The following AGBL4 variants were observed in gnomAD, a reference collection of about 807,000 sequenced individuals.
AGBL4 encodes the protein cytosolic carboxypeptidase 6.
Under a neutral mutation model 66.4 loss-of-function variants are expected in AGBL4, and 58 were observed. The ratio of observed to expected loss-of-function variants is 0.87; its 90% CI spans 0.71 to 1.09. The LOEUF is 1.09. Ranked by LOEUF, AGBL4 falls within the 50% of genes least tolerant of loss-of-function variation. The pLI, the probability that AGBL4 is intolerant of heterozygous loss-of-function variation, is 0.00. For synonymous variants in AGBL4, 234 were observed against 222.9 expected (o/e 1.05, Z -0.44); for missense variants, 579 against 631.0 (o/e 0.92, Z 0.88).
chr1:49,498,866 T>C (rs915676584), intron 3 of AGBL4, among the ~76,000 whole-genome samples: 2 of 152,106 alleles, frequency 1.3e-5, no homozygotes, highest in African/African-American at 4.8e-5. Context: ...CGTTTATACA[T>C]TTAAATTATG....
chr1:49,178,273 T>C (rs1242272641), intron 4 of AGBL4, among the ~76,000 whole-genome samples: 1 of 152,222 alleles, frequency 6.6e-6, no homozygotes, highest in Admixed American at 6.5e-5. Flanking sequence ...TAATGTCCTC[T>C]GTAAAAGAGC....
chr1:49,521,915 G>T (rs1034467129), intron 3 of AGBL4, among the ~76,000 whole-genome samples: 11 of 152,020 alleles, frequency 7.2e-5, no homozygotes, highest in South Asian at 6.2e-4. Context: ...TATTAGAGGG[G>T]GGAATGAGTG....
At chr1:49,933,623 G>T (rs914185503) in intron 1 of AGBL4, among the ~76,000 whole-genome samples, 4 of 151,924 alleles carry the variant, frequency 2.6e-5, no homozygotes, top group Non-Finnish European at 5.9e-5. Context: ...TAAAAAAGAC[G>T]CAAATTATGA....
chr1:48,623,244 TA>T (rs1470935546), intron 9 of AGBL4, among the ~76,000 whole-genome samples: 3 of 152,250 alleles, frequency 2.0e-5, no homozygotes, highest in African/African-American at 7.2e-5. Context: ...GAAGATTATC[TA>T]TACACTTTAG....
At chr1:49,627,150 G>T (rs537548692) in intron 3 of AGBL4, among the ~76,000 whole-genome samples, 1 of 152,204 alleles carries the variant, frequency 6.6e-6, no homozygotes, top group African/African-American at 2.4e-5. Flanking sequence ...TCTGAAGCCT[G>T]TTGATGTCTA....
At chr1:48,676,924 G>A (rs1456017556) in intron 6 of AGBL4, among the ~76,000 whole-genome samples, 1 of 152,082 alleles carries the variant, frequency 6.6e-6, no homozygotes, top group Non-Finnish European at 1.5e-5. Context: ...GCTGCAAATT[G>A]TGCAGCCACA....
chr1:49,057,362 G>A (rs567913649), intron 4 of AGBL4, among the ~76,000 whole-genome samples: 17 of 152,098 alleles, frequency 1.1e-4, no homozygotes, highest in Non-Finnish European at 2.5e-4. Context: ...AGGCTGCAGT[G>A]AGCCATGATT....
At chr1:48,629,307 C>T (rs1428515316) in intron 9 of AGBL4, among the ~76,000 whole-genome samples, 2 of 152,140 alleles carry the variant, frequency 1.3e-5, no homozygotes, top group Admixed American at 6.5e-5. Context: ...AAGTCACTGT[C>T]ATACTCTGTG....
chr1:49,915,279 G>A (rs1438364986), intron 1 of AGBL4, among the ~76,000 whole-genome samples: 1 of 152,054 alleles, frequency 6.6e-6, no homozygotes, highest in African/African-American at 2.4e-5. Flanking sequence ...GCCGAAGCAG[G>A]GTGAGGCATT....
chr1:49,653,159 C>T (rs1646044047), intron 3 of AGBL4, among the ~76,000 whole-genome samples: 1 of 152,032 alleles, frequency 6.6e-6, no homozygotes, highest in South Asian at 2.1e-4. Context: ...GGTGATAACT[C>T]CAGGGGCAGG....
chr1:48,665,524 G>A (rs920004668), intron 6 of AGBL4, among the ~76,000 whole-genome samples: 1 of 152,092 alleles, frequency 6.6e-6, no homozygotes, highest in African/African-American at 2.4e-5. Flanking sequence ...TCCATTTTAT[G>A]GGTGAGGAAC....
rs552386228 is a variant in AGBL4 at position 49,775,930 on chromosome 1, A to G, written c.157+75466T>C. 5.9e-5 allele frequency among the ~76,000 whole-genome samples: 9 copies of G among 152,234 alleles called. No individual in the cohort carries two copies. The South Asian group carries it at 1.9e-3, about 32-fold the overall frequency. Reference sequence around the variant, plus strand: ...GGTTCAAATCACAATTCTGACTCTTAATAGTGAATTGGCTTTGGGAAGTAT... The same window carrying G: ...GGTTCAAATCACAATTCTGACTCTTGATAGTGAATTGGCTTTGGGAAGTAT... On this transcript the variant is annotated intron_variant, in intron 2 of 13. Coordinates refer to ENST00000371839, the MANE Select transcript of AGBL4 (RefSeq NM_032785.4).
At chr1:50,005,535 G>C (rs751836871) in intron 1 of AGBL4, among the ~76,000 whole-genome samples, 5 of 152,110 alleles carry the variant, frequency 3.3e-5, no homozygotes, top group Non-Finnish European at 7.4e-5. Context: ...AGAAGGACAA[G>C]AATAAACAAG....
chr1:49,080,888 G>T (rs1438880102), intron 4 of AGBL4, among the ~76,000 whole-genome samples: 2 of 151,866 alleles, frequency 1.3e-5, no homozygotes, highest in African/African-American at 4.8e-5. Flanking sequence ...TTCCTTTTTG[G>T]TATTTTGTGA....
At chr1:49,816,217 A>G (rs1645227295) in intron 2 of AGBL4, among the ~76,000 whole-genome samples, 1 of 152,080 alleles carries the variant, frequency 6.6e-6, no homozygotes, top group South Asian at 2.1e-4. Context: ...CACTAGTACT[A>G]CTTTACAGAT....
intron 1 of AGBL4, among the ~76,000 whole-genome samples, chr1:49,932,081 C>T (rs1184530011): frequency 6.6e-6 from 1 of 151,786 alleles, no homozygotes; most frequent in African/African-American, 2.4e-5. Flanking sequence ...AAAAAAAATC[C>T]AAAATCTAAA....
At chr1:49,452,625 C>T (rs1189802702) in intron 3 of AGBL4, among the ~76,000 whole-genome samples, 1 of 151,740 alleles carries the variant, frequency 6.6e-6, no homozygotes, top group Non-Finnish European at 1.5e-5. Flanking sequence ...TTTCATCTAC[C>T]TGAGATGTTC....
At chr1:48,870,068 C>A in intron 5 of AGBL4, among the ~76,000 whole-genome samples, 1 of 151,960 alleles carries the variant, frequency 6.6e-6, no homozygotes. Context: ...AAGATTTCAA[C>A]CTTCCTGAAG....
chr1:48,881,413 C>T (rs1233983995), intron 5 of AGBL4, among the ~76,000 whole-genome samples: 2 of 152,050 alleles, frequency 1.3e-5, no homozygotes, highest in African/African-American at 2.4e-5. Flanking sequence ...GTGTATCTGT[C>T]GGGCATTAAG....
Sources: gnomAD v4.1 joint callset for allele counts (sites outside exome capture counted in the v4.1 genomes callset) on GRCh38, gnomAD v4.1.1 for gene constraint, MANE v1.5 for transcripts, NCBI Gene and HGNC (gene_info 2026-07-23, HGNC 2026-07-21) for gene names.